ARHGAP15: variants seen among roughly 807,000 people sequenced by gnomAD.
ARHGAP15 encodes the protein Rho GTPase activating protein 15, also known as rho GTPase-activating protein 15.
In ARHGAP15, 51 loss-of-function variants were observed where a neutral mutation model predicts 63.7. The ratio of observed to expected loss-of-function variants is 0.80; its 90% CI spans 0.64 to 1.01. ARHGAP15 has a LOEUF of 1.01. Ranked by LOEUF, ARHGAP15 falls within the 50% of genes least tolerant of loss-of-function variation. ARHGAP15 has a pLI of 0.00. For missense variants in ARHGAP15, 560 were observed against 564.6 expected (o/e 0.99, Z 0.08); for synonymous variants, 191 against 193.8 (o/e 0.99, Z 0.12).
At chr2:143,191,256 T>C (rs1178720461) in intron 2 of ARHGAP15, among the ~76,000 whole-genome samples, 1 of 152,200 alleles carries the variant, frequency 6.6e-6, no homozygotes, top group African/African-American at 2.4e-5. Flanking sequence ...GAAAATTCTA[T>C]CTTATTTCAG....
chr2:143,411,010 G>C (rs1688419664), intron 6 of ARHGAP15, among the ~76,000 whole-genome samples: 1 of 152,066 alleles, frequency 6.6e-6, no homozygotes, highest in Non-Finnish European at 1.5e-5. Context: ...TCACGAACCA[G>C]CCTGACCAAC....
chr2:143,532,049 A>G (rs984284739), intron 10 of ARHGAP15, among the ~76,000 whole-genome samples: 3 of 152,214 alleles, frequency 2.0e-5, no homozygotes, highest in Non-Finnish European at 2.9e-5. Context: ...ATGAAGGCTG[A>G]TATGTACTTT....
intron 13 of ARHGAP15, among the ~76,000 whole-genome samples, chr2:143,722,973 C>A (rs539598134): frequency 6.6e-6 from 1 of 152,280 alleles, no homozygotes; most frequent in South Asian, 2.1e-4. Context: ...CAGTCACACA[C>A]CACATAATGA....
intron 13 of ARHGAP15, among the ~76,000 whole-genome samples, chr2:143,740,004 A>G (rs895723399): frequency 6.6e-6 from 1 of 152,104 alleles, no homozygotes; most frequent in African/African-American, 2.4e-5. Flanking sequence ...CACAGCTCTC[A>G]TAAGTCCATT....
chr2:143,377,183 TTTAAAAAAAATCCA>T (rs1200388727), intron 6 of ARHGAP15, among the ~76,000 whole-genome samples: 1 of 151,924 alleles, frequency 6.6e-6, no homozygotes, highest in East Asian at 1.9e-4. Context: ...GAATAAATAC[TTTAAAAAAAATCCA>T]GCCAATACTT....
intron 1 of ARHGAP15, among the ~76,000 whole-genome samples, chr2:143,143,200 G>A (rs1476049108): frequency 6.6e-6 from 1 of 152,046 alleles, no homozygotes; most frequent in Non-Finnish European, 1.5e-5. Context: ...ACTTGTTTAA[G>A]TGGAGTATCT....
chr2:143,634,910 T>G (rs549692202), intron 12 of ARHGAP15, among the ~76,000 whole-genome samples: 1 of 152,062 alleles, frequency 6.6e-6, no homozygotes, highest in Non-Finnish European at 1.5e-5. Flanking sequence ...CGACCTGAGC[T>G]TGCCTTGCTT....
chr2:143,704,468 G>A (rs72994455), intron 13 of ARHGAP15, among the ~76,000 whole-genome samples: 148 of 152,272 alleles, frequency 9.7e-4, no homozygotes, highest in African/African-American at 3.2e-3. Context: ...AATCAAGTGT[G>A]CAAATTTTGG....
At chr2:143,290,633 T>A (rs1253983923) in intron 6 of ARHGAP15, among the ~76,000 whole-genome samples, 1 of 152,114 alleles carries the variant, frequency 6.6e-6, no homozygotes, top group Admixed American at 6.6e-5. Context: ...ACCTGAGAAT[T>A]GTTTTAGCCC....
intron 13 of ARHGAP15, among the ~76,000 whole-genome samples, chr2:143,753,363 G>GC (rs1403704518): frequency 6.6e-6 from 1 of 152,104 alleles, no homozygotes; most frequent in African/African-American, 2.4e-5. Context: ...TGTACGAATG[G>GC]CCCCTTAACA....
chr2:143,365,836 G>A (rs978816272), intron 6 of ARHGAP15, among the ~76,000 whole-genome samples: 2 of 152,146 alleles, frequency 1.3e-5, no homozygotes, highest in Non-Finnish European at 2.9e-5. Flanking sequence ...CAAATATTCC[G>A]AAGATCAATG....
chr2:143,534,353 C>T (rs955457248), intron 10 of ARHGAP15, among the ~76,000 whole-genome samples: 1 of 152,096 alleles, frequency 6.6e-6, no homozygotes, highest in Non-Finnish European at 1.5e-5. Context: ...TATAAATTAC[C>T]GAGTCATAGG....
chr2:143,485,494 T>TTTACA (rs1475613846), intron 8 of ARHGAP15, among the ~76,000 whole-genome samples: 1 of 152,214 alleles, frequency 6.6e-6, no homozygotes, highest in African/African-American at 2.4e-5. Flanking sequence ...TCAGAGTTCT[T>TTTACA]TTACATTTTC....
intron 9 of ARHGAP15, among the ~76,000 whole-genome samples, chr2:143,516,958 G>GT (rs1559022738): frequency 1.1e-4 from 17 of 151,906 alleles, no homozygotes; most frequent in South Asian, 6.2e-4. Flanking sequence ...GTTGTTGTTG[G>GT]TGTTGTTTTG....
At chr2:143,155,348 T>C in intron 1 of ARHGAP15, 129 bp from the exon 2 acceptor site, 1 of 840,164 alleles carries the variant, frequency 1.2e-6, no homozygotes, top group Non-Finnish European at 1.7e-6. Context: ...TTTTCTTCAC[T>C]AGTCAGAGAG....
intron 2 of ARHGAP15, among the ~76,000 whole-genome samples, chr2:143,160,441 G>A (rs1408236202): frequency 1.3e-5 from 2 of 151,938 alleles, no homozygotes; most frequent in Non-Finnish European, 2.9e-5. Flanking sequence ...CCAGGCCTCT[G>A]ATATGACTAC....
chr2:143,249,687 A>G (rs1273025879), intron 5 of ARHGAP15, among the ~76,000 whole-genome samples: 2 of 152,144 alleles, frequency 1.3e-5, no homozygotes, highest in African/African-American at 2.4e-5. Flanking sequence ...GTAAAGTTGT[A>G]TAAGTATGAT....
intron 9 of ARHGAP15, among the ~76,000 whole-genome samples, chr2:143,503,761 A>C (rs768796541): frequency 7.2e-5 from 11 of 152,240 alleles, no homozygotes; most frequent in Admixed American, 1.3e-4. Context: ...GCATTATCCA[A>C]TGATGAGGAT....
At chr2:143,697,281 C>A (rs1386001675) in intron 12 of ARHGAP15, among the ~76,000 whole-genome samples, 6 of 151,942 alleles carry the variant, frequency 3.9e-5, no homozygotes, top group Admixed American at 6.6e-5. Context: ...AACCTTGAAC[C>A]AGGAGCAGTT....
Sources: gnomAD v4.1 joint callset for allele counts (sites outside exome capture counted in the v4.1 genomes callset) on GRCh38, gnomAD v4.1.1 for gene constraint, MANE v1.5 for transcripts, NCBI Gene and HGNC (gene_info 2026-07-23, HGNC 2026-07-21) for gene names.